The following MPDZ variants were observed in gnomAD, a reference collection of about 807,000 sequenced individuals.
MPDZ encodes the protein multiple PDZ domain crumbs cell polarity complex component, also known as multiple PDZ domain protein.
MPDZ carries 234 observed loss-of-function variants against 239.1 expected under a neutral mutation model. The ratio of observed to expected loss-of-function variants is 0.98; its 90% CI spans 0.88 to 1.09. The LOEUF is 1.09. MPDZ is among the 50% of genes least tolerant of loss of function. MPDZ has a pLI of 0.00. For synonymous variants in MPDZ, 1,048 were observed against 881.3 expected, an observed-to-expected ratio of 1.19 and a Z score of -3.35; for missense variants, 3,175 against 2,510.0, an observed-to-expected ratio of 1.26 and a Z score of -5.66.
intron 13 of MPDZ, 144 bp downstream of exon 13, chr9:13,195,977 G>GGT: frequency 1.9e-6 from 1 of 515,568 alleles, no homozygotes; most frequent in Non-Finnish European, 3.4e-6. Context: ...TTTATTACCT[G>GGT]GATCACCATA....
At chr9:13,253,642 C>G (rs777140671) in intron 1 of MPDZ, among the ~76,000 whole-genome samples, 2 of 152,236 alleles carry the variant, frequency 1.3e-5, no homozygotes, top group Admixed American at 1.3e-4. Flanking sequence ...TCATGGCCAA[C>G]TGGCATGACT....
chr9:13,223,040 C>G (rs1016396397), intron 5 of MPDZ, among the ~76,000 whole-genome samples: 1 of 152,054 alleles, frequency 6.6e-6, no homozygotes, highest in South Asian at 2.1e-4. Flanking sequence ...AGGATTTGCA[C>G]TGTGTTAGGC....
chr9:13,164,766 CTATT>C (rs1950870216), intron 22 of MPDZ, among the ~76,000 whole-genome samples: 1 of 152,068 alleles, frequency 6.6e-6, no homozygotes, highest in African/African-American at 2.4e-5. Flanking sequence ...GTTTTCCTAA[CTATT>C]TAGCCACTAC....
chr9:13,156,579 C>A (rs1337512294), intron 24 of MPDZ, among the ~76,000 whole-genome samples: 1 of 152,136 alleles, frequency 6.6e-6, no homozygotes, highest in African/African-American at 2.4e-5. Context: ...GAAAGACCTG[C>A]CCCCATATTC....
intron 1 of MPDZ, among the ~76,000 whole-genome samples, chr9:13,278,634 A>G (rs898477232): frequency 7.2e-5 from 11 of 152,180 alleles, no homozygotes; most frequent in African/African-American, 2.2e-4. Context: ...AATCGCAGAC[A>G]AAGACGCCCA....
At chr9:13,228,251 G>A (rs899466591) in intron 3 of MPDZ, among the ~76,000 whole-genome samples, 1 of 152,062 alleles carries the variant, frequency 6.6e-6, no homozygotes, top group Admixed American at 6.6e-5. Flanking sequence ...TCAGTCTAAA[G>A]GGGGCTTTTA....
chr9:13,255,728 C>T (rs1262088433), intron 1 of MPDZ, among the ~76,000 whole-genome samples: 1 of 152,160 alleles, frequency 6.6e-6, no homozygotes, highest in East Asian at 1.9e-4. Context: ...ATTCAGTAAA[C>T]CATGCTATAA....
Position 13,220,247 on chromosome 9 carries a change from G to C in MPDZ, c.877-479C>G, listed in dbSNP as rs1375755550. On this transcript the variant is annotated intron_variant, in intron 7 of 46. Transcript: ENST00000319217. ...AATGTCCCAAAAGAACTCATGTGCA[G>C]GTGAAATACTTGTGAAGTGAAAATT... Among the ~76,000 whole-genome samples the C allele has an allele frequency of 2.6e-5, 4 of 152,054 alleles. No homozygotes were observed. The East Asian group carries it at 7.8e-4, about 30-fold the overall frequency.
intron 19 of MPDZ, among the ~76,000 whole-genome samples, chr9:13,177,728 T>A (rs1333811708): frequency 6.6e-6 from 1 of 152,140 alleles, no homozygotes; most frequent in Non-Finnish European, 1.5e-5. Flanking sequence ...ATGTTAGAGC[T>A]TGGACAAGTT....
chr9:13,221,381 T>A lies in MPDZ; in HGVS notation c.867A>T (p.Val289=), dbSNP rs781320084. 7.5e-6 allele frequency: 12 copies of A among 1,608,024 alleles called. No homozygotes were observed. Among genetic ancestry groups the A allele is most frequent in the African/African-American group, 6.7e-5 (5 of 74,644 alleles). ...VIVKTILPGG[V]ADQHGRLCSG... Reference sequence around the variant, plus strand: ...TATTGATGTAGCCTACCTGATCAGCTACTCCTCCAGGCAGAATGGTTTTTA... The same window carrying A: ...TATTGATGTAGCCTACCTGATCAGCAACTCCTCCAGGCAGAATGGTTTTTA... Residue 289 remains valine, a synonymous_variant, in exon 7 of 47, where the codon GTA becomes GTT. Transcript: ENST00000319217.
At chr9:13,154,494 C>T (rs1949587609) in intron 24 of MPDZ, among the ~76,000 whole-genome samples, 1 of 152,128 alleles carries the variant, frequency 6.6e-6, no homozygotes, top group African/African-American at 2.4e-5. Context: ...TTATGTGACA[C>T]AGGGCATTTA....
At chr9:13,251,302 A>G (rs111664542) in intron 1 of MPDZ, among the ~76,000 whole-genome samples, 10 of 152,262 alleles carry the variant, frequency 6.6e-5, no homozygotes, top group Admixed American at 1.3e-4. Context: ...TCTCCTGACT[A>G]TAATGTTCTC....
At position 13,115,350 on chromosome 9, in the gene MPDZ, G is replaced by C. The variant is rs41265282; in HGVS notation, c.5380-16C>G. The C allele has an allele frequency of 5.1e-3, 8,186 of 1,595,530 alleles. 31 individuals carry two copies. Among genetic ancestry groups the C allele is most frequent in the African/African-American group, 0.026 (1,954 of 74,654 alleles). On this transcript the variant is annotated splice_polypyrimidine_tract_variant and intron_variant, in intron 39 of 46. Transcript: ENST00000319217. Reference sequence around the variant, plus strand: ...CTAGGGAACACTGGGGGTGGGCATGGGGGGTGTTTTATGGAAATGTTTAAA... The same window carrying C: ...CTAGGGAACACTGGGGGTGGGCATGCGGGGTGTTTTATGGAAATGTTTAAA...
rs1423516836 is a variant in MPDZ, at chr9:13,279,438, G to T, written c.-96C>A. 1 of 148,136 alleles carries T rather than the reference G, an allele frequency of 6.8e-6. No homozygotes were observed. The highest frequency in any genetic ancestry group is 1.5e-5 in the Non-Finnish European group (1 of 66,614). The allele number at this position is 148,136 out of a possible 1,614,324, so 9.2% of individuals were successfully genotyped here. On this transcript the variant is annotated 5_prime_UTR_variant, in exon 1 of 47. Transcript: ENST00000319217. ...CCCGCCCAGGGCCGCGACGCGAGGGGGCGGAGGACTGGGGAGCAGGGGTCG... is the reference window on the plus strand; with the variant it reads ...CCCGCCCAGGGCCGCGACGCGAGGGTGCGGAGGACTGGGGAGCAGGGGTCG...
In MPDZ at chr9:13,138,000, G is replaced by A; in HGVS notation, c.4157C>T (p.Ala1386Val). ...FIVGIDPNGAAGKDGRLQIAD... is the reference protein window; with the variant it reads ...FIVGIDPNGAVGKDGRLQIAD... Reference sequence around the variant, plus strand: ...AATTTGCAATCGACCATCTTTTCCTGCAGCTCCATTTGGATCAATCCCCAC... The same window carrying A: ...AATTTGCAATCGACCATCTTTTCCTACAGCTCCATTTGGATCAATCCCCAC... Residue 1386 changes from alanine to valine, a missense_variant, in exon 29 of 47, where the codon GCA (alanine) becomes GTA (valine). Ala to Val is a moderately conservative substitution (Grantham distance 64). Transcript: ENST00000319217. The A allele has an allele frequency of 1.2e-6, 2 of 1,613,700 alleles. No individual in the cohort carries two copies. Among genetic ancestry groups the A allele is most frequent in the Non-Finnish European group, 1.7e-6 (2 of 1,179,782 alleles).
intron 12 of MPDZ, among the ~76,000 whole-genome samples, chr9:13,203,234 C>T (rs936120513): frequency 6.6e-6 from 1 of 152,124 alleles, no homozygotes; most frequent in Non-Finnish European, 1.5e-5. Context: ...ACACAGACTA[C>T]AGGGAAGCTT....
intron 3 of MPDZ, among the ~76,000 whole-genome samples, chr9:13,239,867 G>A (rs1216247961): frequency 6.6e-6 from 1 of 151,982 alleles, no homozygotes; most frequent in Non-Finnish European, 1.5e-5. Flanking sequence ...CACAGTCTAG[G>A]CATGTGTGTT....
In MPDZ at chr9:13,140,052, G is replaced by A. The variant is rs920614298; in HGVS notation, c.3938C>T (p.Thr1313Ile). 9.9e-6 allele frequency: 16 copies of A among 1,613,138 alleles called. No individual in the cohort carries two copies. In the African/African-American group the frequency reaches 1.3e-4, roughly 13 times the overall value. ...SAFAEMGSDHTQSSASKISQD... is the reference protein window; with the variant it reads ...SAFAEMGSDHIQSSASKISQD... ...TGAGATTTTGCTTGCAGATGACTGTGTGTGATCACTACCCATTTCGGCAAA... is the reference window on the plus strand; with the variant it reads ...TGAGATTTTGCTTGCAGATGACTGTATGTGATCACTACCCATTTCGGCAAA... The change falls in exon 28 of 47, where the codon ACA (threonine) becomes ATA (isoleucine). Residue 1313 changes from threonine to isoleucine, a missense_variant. By Grantham distance (89) the Thr-to-Ile change is moderately conservative (BLOSUM62 -1). Coordinates refer to ENST00000319217, the MANE Select transcript of MPDZ (RefSeq NM_001378778.1).
At chr9:13,190,635 G>C (rs1017348766) in intron 15 of MPDZ, among the ~76,000 whole-genome samples, 5 of 152,008 alleles carry the variant, frequency 3.3e-5, no homozygotes, top group African/African-American at 1.2e-4. Context: ...AAAATGTAAA[G>C]CTATTTTGAT....
Sources: gnomAD v4.1 joint callset for allele counts (sites outside exome capture counted in the v4.1 genomes callset) on GRCh38, gnomAD v4.1.1 for gene constraint, MANE v1.5 for transcripts, NCBI Gene and HGNC (gene_info 2026-07-23, HGNC 2026-07-21) for gene names.